The following PHF21A variants were observed in gnomAD, a reference collection of about 807,000 sequenced individuals.
PHF21A encodes the protein BHC80a.
PHF21A carries 11 observed loss-of-function variants against 82.5 expected under a neutral mutation model. That is an observed-to-expected ratio of 0.13 (90% CI 0.08 to 0.22). The LOEUF is 0.22. Ranked by LOEUF, PHF21A falls within the 10% of genes least tolerant of loss-of-function variation. PHF21A has a pLI of 1.00. For missense variants in PHF21A, 579 were observed against 837.8 expected (o/e 0.69, Z 3.81); for synonymous variants, 297 against 302.8 (o/e 0.98, Z 0.20).
chr11:46,096,132 G>C (rs2096991343), intron 1 of PHF21A, among the ~76,000 whole-genome samples: 2 of 151,838 alleles, frequency 1.3e-5, no homozygotes, highest in Non-Finnish European at 2.9e-5. Context: ...TAGTCCTTGG[G>C]GCCCCAACAT....
intron 3 of PHF21A, among the ~76,000 whole-genome samples, chr11:46,088,165 AACATATTTTG>A (rs1430066713): frequency 1.3e-5 from 2 of 152,236 alleles, no homozygotes; most frequent in Non-Finnish European, 1.5e-5. Context: ...AAGATGATTT[AACATATTTTG>A]ACCAATTCTA....
chr11:46,028,571 CTTTTTT>C (rs869035139), intron 6 of PHF21A, among the ~76,000 whole-genome samples: 1 of 106,316 alleles, frequency 9.4e-6, no homozygotes. Flanking sequence ...AAAAGCTTGC[CTTTTTT>C]TTTTTTTTTT....
chr11:46,071,128 T>C (rs1385263384), intron 6 of PHF21A, among the ~76,000 whole-genome samples: 1 of 152,226 alleles, frequency 6.6e-6, no homozygotes, highest in African/African-American at 2.4e-5. Flanking sequence ...TCATATAACT[T>C]TGCAAGGCTT....
chr11:46,039,060 G>T (rs1005515921), intron 6 of PHF21A, among the ~76,000 whole-genome samples: 1 of 152,156 alleles, frequency 6.6e-6, no homozygotes, highest in African/African-American at 2.4e-5. Flanking sequence ...TGAGTGGGCT[G>T]AATAAAAGTA....
rs1168943586 is a variant in PHF21A, at chr11:45,950,220, T to G, written c.1133A>C (p.His378Pro). The G allele has an allele frequency of 6.2e-7, 1 of 1,609,720 alleles. No homozygotes were observed. Among genetic ancestry groups the G allele is most frequent in the Admixed American group, 1.7e-5 (1 of 59,748 alleles). Residue 378 changes from histidine to proline, a missense_variant, in exon 12 of 19, where the codon CAT (histidine) becomes CCT (proline). By Grantham distance (77) the His-to-Pro change is moderately conservative. Coordinates refer to ENST00000676320, the MANE Select transcript of PHF21A (RefSeq NM_001352027.3). ...AFMVSLGLVT[H>P]DHLEEIQSKR... Reference sequence around the variant, plus strand: ...TCTTCTCTTACCTTCTAGATGGTCATGTGTTACCAACCCTAGAGACACCAT... The same window carrying G: ...TCTTCTCTTACCTTCTAGATGGTCAGGTGTTACCAACCCTAGAGACACCAT...
chr11:45,941,470 C>T lies in PHF21A; in HGVS notation c.1453-3158G>A, dbSNP rs188960277. ...GCAATATCTGGTAAACCCCACTGTT[C>T]GGTCTTGAGAGAATGAGAATGAAAA... On this transcript the variant is annotated intron_variant, in intron 15 of 18. Coordinates refer to ENST00000676320, the MANE Select transcript of PHF21A (RefSeq NM_001352027.3). 4.1e-4 allele frequency among the ~76,000 whole-genome samples: 63 copies of T among 152,200 alleles called. 3 individuals carry two copies. The highest frequency in any genetic ancestry group is 3.4e-3 in the Middle Eastern group (1 of 294).
At chr11:45,971,462 A>C in intron 7 of PHF21A, 95 bp from the exon 8 acceptor site, 2 of 1,128,300 alleles carry the variant, frequency 1.8e-6, no homozygotes, top group Non-Finnish European at 2.5e-6. Flanking sequence ...CCTTGGAAGA[A>C]AACAAAACAA....
intron 10 of PHF21A, among the ~76,000 whole-genome samples, chr11:45,956,315 A>G (rs1046217281): frequency 6.6e-6 from 1 of 152,214 alleles, no homozygotes; most frequent in East Asian, 1.9e-4. Flanking sequence ...TTTGTTTCCT[A>G]TATGACTTAA....
intron 9 of PHF21A, 89 bp downstream of exon 9, chr11:45,969,726 A>T: frequency 1.2e-6 from 1 of 829,660 alleles, no homozygotes; most frequent in East Asian, 2.5e-5. Flanking sequence ...AGCTGGGCTG[A>T]CAAGCCCCAT....
chr11:45,971,503 C>T (rs951677973), intron 7 of PHF21A, 136 bp from the exon 8 acceptor site: 6 of 829,744 alleles, frequency 7.2e-6, no homozygotes, highest in Non-Finnish European at 1.1e-5. Flanking sequence ...CTCTGTAGAA[C>T]AACATTTCTT....
intron 6 of PHF21A, among the ~76,000 whole-genome samples, chr11:46,016,489 C>T (rs1434489404): frequency 6.6e-6 from 1 of 152,128 alleles, no homozygotes; most frequent in African/African-American, 2.4e-5. Context: ...CATGCAACAC[C>T]TTTCCTACCT....
At chr11:46,084,659 A>T (rs987803954) in intron 3 of PHF21A, among the ~76,000 whole-genome samples, 2 of 148,470 alleles carry the variant, frequency 1.3e-5, no homozygotes, top group Non-Finnish European at 3.0e-5. Context: ...TCAGAAAGAG[A>T]CATATAACAA....
chr11:46,057,926 C>A lies in PHF21A; in HGVS notation c.153+18828G>T, dbSNP rs146461356. Among the ~76,000 whole-genome samples the A allele has an allele frequency of 2.8e-3, 434 of 152,308 alleles. 3 individuals carry two copies. Among genetic ancestry groups the A allele is most frequent in the African/African-American group, 9.8e-3 (409 of 41,566 alleles). ...CTGGGTGACTTAACTACCAACCTGA[C>A]AGGCACAAATCAAGAAAAAAAGTCT... On this transcript the variant is annotated intron_variant, in intron 6 of 18. Transcript: ENST00000676320.
intron 7 of PHF21A, among the ~76,000 whole-genome samples, chr11:45,975,377 T>C (rs12807536): frequency 0.69 from 89,011 of 129,378 alleles, 31,483 homozygotes; most frequent in East Asian, 0.89. Context: ...TAAAATAAAA[T>C]AAAACAAAAC....
At chr11:46,029,289 G>A (rs2095816978) in intron 6 of PHF21A, among the ~76,000 whole-genome samples, 1 of 152,082 alleles carries the variant, frequency 6.6e-6, no homozygotes, top group Admixed American at 6.5e-5. Flanking sequence ...TCACATAATA[G>A]GTTCCCAAAA....
intron 16 of PHF21A, among the ~76,000 whole-genome samples, chr11:45,937,525 G>A (rs1203351629): frequency 6.6e-6 from 1 of 152,206 alleles, no homozygotes; most frequent in Non-Finnish European, 1.5e-5. Flanking sequence ...TTGTCACCCA[G>A]GCTGGAGTGC....
chr11:46,079,191 C>A, intron 4 of PHF21A, 25 bp from the exon 5 acceptor site: 1 of 1,586,912 alleles, frequency 6.3e-7, no homozygotes, highest in African/African-American at 1.3e-5. Context: ...AGAAAAAGAG[C>A]CATCAGTCTT....
rs942219692 is a variant in PHF21A at position 45,936,712 on chromosome 11, A to C, written c.1609-143T>G. On this transcript the variant is annotated intron_variant, in intron 16 of 18. Transcript: ENST00000676320. ...TAGCAGTGTTGCAAAACCCTGGTCT[A>C]TAGTTTCTGGACTAAAAAGTTCCAA... 2.2e-5 allele frequency: 14 copies of C among 634,928 alleles called. No homozygotes were observed. The African/African-American group carries it at 2.6e-4, about 12-fold the overall frequency. The allele number at this position is 634,928 out of a possible 1,614,324, so 39.3% of individuals were successfully genotyped here.
chr11:46,002,194 G>C (rs2095153407), intron 6 of PHF21A, among the ~76,000 whole-genome samples: 1 of 152,056 alleles, frequency 6.6e-6, no homozygotes, highest in Non-Finnish European at 1.5e-5. Flanking sequence ...CAAATAACAT[G>C]ATATTCATTA....
Sources: allele counts gnomAD v4.1 joint callset (sites outside exome capture counted in the v4.1 genomes callset), GRCh38; gene constraint gnomAD v4.1.1; transcripts MANE v1.5; gene names NCBI Gene and HGNC (gene_info 2026-07-23, HGNC 2026-07-21).